Variants in C12orf42 observed in about 807,000 individuals in gnomAD.
The protein encoded by C12orf42 is chromosome 12 open reading frame 42.
Under a neutral mutation model 21.6 loss-of-function variants are expected in C12orf42, and 25 were observed. The observed-to-expected ratio is 1.16, with a 90% CI of 0.84 to 1.62. The LOEUF is 1.62. Ranked by LOEUF, C12orf42 falls within the 40% of genes most tolerant of loss-of-function variation. C12orf42 has a pLI of 0.00. For missense variants in C12orf42, 483 were observed against 459.3 expected (o/e 1.05, Z -0.47); for synonymous variants, 174 against 175.0 (o/e 0.99, Z 0.05).
intron 4 of C12orf42, among the ~76,000 whole-genome samples, chr12:103,344,481 T>C (rs1037741196): frequency 3.9e-5 from 6 of 152,302 alleles, no homozygotes; most frequent in South Asian, 2.1e-4. Context: ...CTGGTTCCAA[T>C]TGGTGACATA....
chr12:103,409,008 A>G (rs1355321851), intron 2 of C12orf42, among the ~76,000 whole-genome samples: 1 of 152,236 alleles, frequency 6.6e-6, no homozygotes, highest in African/African-American at 2.4e-5. Flanking sequence ...ACAGGAATAA[A>G]GAGAGTTAGG....
chr12:103,420,070 T>C (rs1012485879), intron 2 of C12orf42, among the ~76,000 whole-genome samples: 1 of 152,236 alleles, frequency 6.6e-6, no homozygotes, highest in African/African-American at 2.4e-5. Flanking sequence ...AACATTTCTT[T>C]AGAAAGGAAA....
chr12:103,110,306 G>A, the C12orf42 span, among the ~76,000 whole-genome samples: 1 of 152,184 alleles, frequency 6.6e-6, no homozygotes, highest in Non-Finnish European at 1.5e-5. Flanking sequence ...TAGACCTTGA[G>A]TATGAAGGCA....
At chr12:103,140,915 C>T in the C12orf42 span, among the ~76,000 whole-genome samples, 1 of 152,034 alleles carries the variant, frequency 6.6e-6, no homozygotes, top group African/African-American at 2.4e-5. Context: ...ATGAGTGAAA[C>T]CACTGAAAAA....
chr12:103,147,761 C>G, the C12orf42 span, among the ~76,000 whole-genome samples: 3 of 151,852 alleles, frequency 2.0e-5, no homozygotes, highest in African/African-American at 7.2e-5. Context: ...CCCTGGTCCC[C>G]TTTTCTATCT....
chr12:103,335,803 A>T (rs908287623), intron 4 of C12orf42, among the ~76,000 whole-genome samples: 1 of 152,250 alleles, frequency 6.6e-6, no homozygotes, highest in Admixed American at 6.5e-5. Context: ...GCCAGAATAA[A>T]TGAGCAGAGG....
At chr12:103,200,236 G>A in the C12orf42 span, among the ~76,000 whole-genome samples, 11 of 152,112 alleles carry the variant, frequency 7.2e-5, no homozygotes, top group African/African-American at 2.7e-4. Context: ...ACACAGAAGG[G>A]CAAATACTAC....
At chr12:103,288,071 AAGGGCAGC>A (rs2036583885) in intron 4 of C12orf42, among the ~76,000 whole-genome samples, 3 of 152,178 alleles carry the variant, frequency 2.0e-5, no homozygotes, top group Non-Finnish European at 4.4e-5. Flanking sequence ...AAAATCTTCT[AAGGGCAGC>A]AGTGAAAGGC....
the C12orf42 span, chr12:103,081,326 G>A: frequency 2.6e-5 from 4 of 152,060 alleles, no homozygotes; most frequent in African/African-American, 4.8e-5. Flanking sequence ...CTCGAAAATC[G>A]CTCTTGGAGT....
At chr12:103,072,338 A>G in the C12orf42 span, among the ~76,000 whole-genome samples, 3 of 152,174 alleles carry the variant, frequency 2.0e-5, no homozygotes, top group African/African-American at 7.2e-5. Context: ...TATTTAAAAC[A>G]AGTCCCTTTA....
chr12:103,124,332 C>T, the C12orf42 span, among the ~76,000 whole-genome samples: 1 of 151,946 alleles, frequency 6.6e-6, no homozygotes, highest in Non-Finnish European at 1.5e-5. Flanking sequence ...ATGGCTGGGA[C>T]ATCAAGGTTC....
chr12:103,175,500 A>T, the C12orf42 span, among the ~76,000 whole-genome samples: 1 of 152,236 alleles, frequency 6.6e-6, no homozygotes, highest in Admixed American at 6.5e-5. Context: ...TTGGGCGCTC[A>T]TCTTCACCAC....
chr12:103,314,324 G>T (rs2039254136), intron 4 of C12orf42, among the ~76,000 whole-genome samples: 2 of 152,160 alleles, frequency 1.3e-5, no homozygotes, highest in South Asian at 4.1e-4. Context: ...TTAGAAGGCA[G>T]CCGGCAGTTG....
intron 2 of C12orf42, among the ~76,000 whole-genome samples, chr12:103,433,662 T>C (rs1950434549): frequency 6.6e-6 from 1 of 152,208 alleles, no homozygotes; most frequent in Non-Finnish European, 1.5e-5. Flanking sequence ...AAAAGAGTGG[T>C]ATGGGTTGAA....
the C12orf42 span, among the ~76,000 whole-genome samples, chr12:103,219,102 A>T: frequency 6.6e-6 from 1 of 152,174 alleles, no homozygotes; most frequent in Non-Finnish European, 1.5e-5. Context: ...GAAGCCAGGG[A>T]GCCAAGTGGT....
intron 4 of C12orf42, among the ~76,000 whole-genome samples, chr12:103,294,095 CTG>C (rs1361444787): frequency 5.3e-5 from 8 of 152,108 alleles, no homozygotes; most frequent in Non-Finnish European, 1.2e-4. Context: ...AGGAAGAAGA[CTG>C]TGTCCTTTTT....
chr12:103,182,794 C>T, the C12orf42 span, among the ~76,000 whole-genome samples: 1 of 152,228 alleles, frequency 6.6e-6, no homozygotes, highest in Non-Finnish European at 1.5e-5. Context: ...CTGCTGATAT[C>T]TCCCAATAGC....
intron 4 of C12orf42, among the ~76,000 whole-genome samples, chr12:103,284,355 A>G (rs367987020): frequency 6.6e-6 from 1 of 152,196 alleles, no homozygotes; most frequent in African/African-American, 2.4e-5. Context: ...TGAACTGGAA[A>G]AGAAACACAG....
chr12:103,184,395 A>G, the C12orf42 span, among the ~76,000 whole-genome samples: 2 of 152,182 alleles, frequency 1.3e-5, no homozygotes, highest in Admixed American at 6.5e-5. Context: ...TTTTCATGGT[A>G]TATCTTTTTC....
Sources: allele counts gnomAD v4.1 joint callset (sites outside exome capture counted in the v4.1 genomes callset), GRCh38; gene constraint gnomAD v4.1.1; transcripts MANE v1.5; gene names NCBI Gene and HGNC (gene_info 2026-07-23, HGNC 2026-07-21).